The following ZNF106 variants were observed in gnomAD, a reference collection of about 807,000 sequenced individuals.
The protein encoded by ZNF106 is SH3-domain binding protein 3.
ZNF106 carries 67 observed loss-of-function variants against 195.1 expected under a neutral mutation model. That is an observed-to-expected ratio of 0.34 (90% CI 0.28 to 0.42). ZNF106 has a LOEUF of 0.42. ZNF106 is among the 10% of genes least tolerant of loss of function. The pLI is 1.00. For synonymous variants in ZNF106, 784 were observed against 818.6 expected (o/e 0.96, Z 0.72); for missense variants, 2,118 against 2,304.5 (o/e 0.92, Z 1.66).
At chr15:42,432,831 G>A (rs1463747676) in intron 14 of ZNF106, among the ~76,000 whole-genome samples, 1 of 152,084 alleles carries the variant, frequency 6.6e-6, no homozygotes, top group Non-Finnish European at 1.5e-5. Context: ...GCTGCAATGA[G>A]TTATGATCAC....
At position 42,457,068 on chromosome 15, in the gene ZNF106, A is replaced by T. The variant is rs781192581; in HGVS notation, c.207T>A (p.Asp69Glu). ...AKHISGQLHK[D>E]NVDAQEREDD... ...CTTCTCTTTCCTGGGCATCAACGTT[A>T]TCTTTGTGCAACTGGCCAGAAATGT... is the stretch of plus-strand genomic sequence containing the variant. Residue 69 changes from aspartate to glutamate, a missense_variant, in exon 4 of 22, where the codon GAT (aspartate) becomes GAA (glutamate). Coordinates refer to ENST00000564754, the MANE Select transcript of ZNF106 (RefSeq NM_001366845.3). The T allele has an allele frequency of 6.2e-7, 1 of 1,612,612 alleles. No homozygotes were observed. Among genetic ancestry groups the T allele is most frequent in the Non-Finnish European group, 8.5e-7 (1 of 1,179,268 alleles).
chr15:42,443,648 T>C (rs1461799941), intron 9 of ZNF106, among the ~76,000 whole-genome samples: 4 of 151,888 alleles, frequency 2.6e-5, no homozygotes, highest in Non-Finnish European at 5.9e-5. Flanking sequence ...GAAAATTGCT[T>C]GAGCCCAGGA....
intron 15 of ZNF106, among the ~76,000 whole-genome samples, chr15:42,425,998 G>A (rs1431016659): frequency 6.6e-6 from 1 of 152,110 alleles, no homozygotes; most frequent in Non-Finnish European, 1.5e-5. Flanking sequence ...TTCCACAGAA[G>A]TTTTTTAGGT....
intron 1 of ZNF106, among the ~76,000 whole-genome samples, chr15:42,480,222 T>C (rs1266608745): frequency 2.0e-5 from 3 of 152,240 alleles, no homozygotes; most frequent in Non-Finnish European, 4.4e-5. Context: ...CTTCATGTAT[T>C]TTGAAGCGCT....
chr15:42,444,153 A>C (rs756329547), intron 9 of ZNF106, 49 bp downstream of exon 9: 1 of 1,331,976 alleles, frequency 7.5e-7, no homozygotes, highest in Non-Finnish European at 1.0e-6. Flanking sequence ...AGAAAACAAA[A>C]AAGTAACACG....
At chr15:42,458,147 A>C (rs2056291841) in intron 3 of ZNF106, among the ~76,000 whole-genome samples, 1 of 152,086 alleles carries the variant, frequency 6.6e-6, no homozygotes, top group Non-Finnish European at 1.5e-5. Flanking sequence ...ACTCTGTATC[A>C]TGTGTCCTGG....
intron 4 of ZNF106, among the ~76,000 whole-genome samples, chr15:42,452,916 C>A (rs1258394286): frequency 1.3e-5 from 2 of 151,936 alleles, no homozygotes; most frequent in Admixed American, 6.6e-5. Context: ...AAACTCCTGA[C>A]CTCAGGTAAT....
chr15:42,450,515 G>A lies in ZNF106; in HGVS notation c.1757C>T (p.Ala586Val), dbSNP rs778244101. 3.2e-5 allele frequency: 52 copies of A among 1,613,878 alleles called. No homozygotes were observed. The highest frequency in any genetic ancestry group is 1.7e-4 in the Admixed American group (10 of 59,958). Residue 586 changes from alanine (A) to valine (V), a missense_variant, in exon 5 of 22, where the codon GCA (alanine) becomes GTA (valine). Transcript: ENST00000564754. The stretch of plus-strand genomic sequence containing the variant: ...TTCTTCTACATTTCTACTTGCTTTT[G>A]CATAGTTCCTGGTACTTTTAGAAGT... ...LSTSKSTRNY[A>V]KASRNVEESE...
chr15:42,475,132 A>C (rs1412685116), intron 1 of ZNF106, among the ~76,000 whole-genome samples: 1 of 152,214 alleles, frequency 6.6e-6, no homozygotes. Context: ...TCATAATATT[A>C]CTGAATGCCT....
At chr15:42,446,752 G>T in intron 6 of ZNF106, 94 bp from the exon 7 acceptor site, 1 of 1,065,820 alleles carries the variant, frequency 9.4e-7, no homozygotes, top group Non-Finnish European at 1.4e-6. Context: ...GCCATACACT[G>T]TTCTTCACTA....
At chr15:42,452,810 C>A (rs112131577) in intron 4 of ZNF106, among the ~76,000 whole-genome samples, 9 of 151,276 alleles carry the variant, frequency 5.9e-5, no homozygotes, top group Non-Finnish European at 1.2e-4. Context: ...CTCAGACTCC[C>A]GACTAGCTGG....
chr15:42,422,661 G>A lies in ZNF106; in HGVS notation c.5254-41C>T, dbSNP rs774631836. 2.8e-5 allele frequency: 44 copies of A among 1,568,108 alleles called. No individual in the cohort carries two copies. The South Asian group carries it at 4.4e-4, about 16-fold the overall frequency. On this transcript the variant is annotated intron_variant, in intron 17 of 21. Transcript: ENST00000564754. ...AGTAAGAGTCACCAGACTGACTTTC[G>A]AGACTCCTTCCTGGTTATAATTCTA...
At chr15:42,457,406 A>G (rs1164853852) in intron 3 of ZNF106, 1 of 1,374,478 alleles carries the variant, frequency 7.3e-7, no homozygotes, top group Non-Finnish European at 9.4e-7. Flanking sequence ...GTTTAGGAGG[A>G]GAAATCTTCT....
chr15:42,457,506 A>G (rs2056268357), intron 3 of ZNF106: 5 of 1,153,460 alleles, frequency 4.3e-6, no homozygotes, highest in Non-Finnish European at 4.3e-6. Flanking sequence ...GTTGCTCTGG[A>G]GCACACCCAT....
intron 1 of ZNF106, among the ~76,000 whole-genome samples, chr15:42,478,273 C>A (rs1247198026): frequency 2.6e-5 from 4 of 152,120 alleles, no homozygotes; most frequent in Non-Finnish European, 5.9e-5. Context: ...AAGGAATTCT[C>A]CTGCCACAGC....
chr15:42,472,315 G>C lies in ZNF106; in HGVS notation c.-26C>G. The C allele has an allele frequency of 6.5e-7, 1 of 1,533,346 alleles. No homozygotes were observed. The highest frequency in any genetic ancestry group is 1.2e-5 in the South Asian group (1 of 83,438). 95.0% of individuals were successfully genotyped at this position (1,533,346 alleles called of 1,614,324 possible). A position where few individuals can be genotyped will look rare whatever the true frequency, so the allele number is the denominator to read the frequency against. ...AGTGACCAGATCTGAAGCACTCAAC[G>C]TCACAGCTGCAATGAGGAAGTAACA... is the stretch of plus-strand genomic sequence containing the variant. On this transcript the variant is annotated 5_prime_UTR_variant, in exon 2 of 22. Transcript: ENST00000564754.
intron 13 of ZNF106, among the ~76,000 whole-genome samples, chr15:42,436,040 G>A (rs907200853): frequency 6.6e-6 from 1 of 150,618 alleles, no homozygotes. Flanking sequence ...TGCAAGCTCT[G>A]CCTCCTGGGT....
intron 16 of ZNF106, chr15:42,424,331 A>T (rs1043275118): frequency 1.5e-5 from 6 of 403,906 alleles, no homozygotes; most frequent in African/African-American, 1.2e-4. Context: ...TACCCACAGT[A>T]TAACAAAATA....
chr15:42,413,791 G>C lies in ZNF106; in HGVS notation c.*3513C>G, dbSNP rs549898644. 4 of 152,532 alleles carry C rather than the reference G, an allele frequency of 2.6e-5. No homozygotes were observed. In the East Asian group the frequency reaches 5.8e-4, roughly 22 times the overall value. 9.4% of individuals were successfully genotyped at this position (152,532 alleles called of 1,614,324 possible). ...TTCCCACAAAAGCAGGAGTGCAGTA[G>C]TAAGTAATGACTTTCTCTCAGATTC... On this transcript the variant is annotated 3_prime_UTR_variant, in exon 22 of 22. Transcript: ENST00000564754.
Sources: allele counts gnomAD v4.1 joint callset (sites outside exome capture counted in the v4.1 genomes callset), GRCh38; gene constraint gnomAD v4.1.1; transcripts MANE v1.5; gene names NCBI Gene and HGNC (gene_info 2026-07-23, HGNC 2026-07-21).